LRRTM4: variants seen among roughly 807,000 people sequenced by gnomAD.
LRRTM4 encodes leucine rich repeat transmembrane neuronal 4.
A neutral mutation model predicts 47.6 loss-of-function variants in LRRTM4; 25 were observed. That is an observed-to-expected ratio of 0.53 (90% confidence interval 0.38 to 0.73). The LOEUF (loss-of-function observed/expected upper bound fraction) is 0.73, where lower values mean the gene tolerates loss of function less well. Ranked by LOEUF, LRRTM4 falls within the 30% of genes least tolerant of loss-of-function variation. The pLI is 0.00. For missense variants in LRRTM4, 638 were observed against 713.4 expected (o/e 0.89, Z 1.20); for synonymous variants, 311 against 269.5 (o/e 1.15, Z -1.51).
chr2:77,045,709 T>C (rs1573494685), intron 3 of LRRTM4, among the ~76,000 whole-genome samples: 2 of 152,098 alleles, frequency 1.3e-5, no homozygotes, highest in East Asian at 3.9e-4. Context: ...CCTTCCACCA[T>C]GATTGTGAGG....
intron 3 of LRRTM4, among the ~76,000 whole-genome samples, chr2:77,163,289 G>GAAAAATGAAC (rs1219632105): frequency 6.6e-6 from 1 of 151,874 alleles, no homozygotes; most frequent in Non-Finnish European, 1.5e-5. Flanking sequence ...AAAAGAGTAA[G>GAAAAATGAAC]AAAAATGAAC....
At chr2:77,052,325 C>T (rs562068266) in intron 3 of LRRTM4, among the ~76,000 whole-genome samples, 6 of 151,748 alleles carry the variant, frequency 4.0e-5, no homozygotes, top group South Asian at 2.1e-4. Context: ...TCTGCCACCA[C>T]GCCTGGCTAG....
chr2:77,319,380 T>G (rs1185596023), intron 3 of LRRTM4, among the ~76,000 whole-genome samples: 1 of 148,818 alleles, frequency 6.7e-6, no homozygotes, highest in Non-Finnish European at 1.5e-5. Context: ...AGAGCGAAAC[T>G]CCACATCAAA....
chr2:77,459,152 T>C (rs1676678910), intron 3 of LRRTM4, among the ~76,000 whole-genome samples: 1 of 152,176 alleles, frequency 6.6e-6, no homozygotes, highest in East Asian at 1.9e-4. Flanking sequence ...AGCTCCACTC[T>C]ATAAAATGCC....
At chr2:76,869,984 C>T (rs1339983970) in intron 3 of LRRTM4, among the ~76,000 whole-genome samples, 4 of 152,054 alleles carry the variant, frequency 2.6e-5, no homozygotes, top group Non-Finnish European at 4.4e-5. Context: ...ACAACATAAA[C>T]ATAAAGGAAA....
chr2:76,942,319 C>T (rs1178584343), intron 3 of LRRTM4, among the ~76,000 whole-genome samples: 1 of 152,048 alleles, frequency 6.6e-6, no homozygotes, highest in Non-Finnish European at 1.5e-5. Context: ...TTAATTAGAT[C>T]CCATTTGTCA....
chr2:77,162,092 G>A (rs376378232), intron 3 of LRRTM4, among the ~76,000 whole-genome samples: 10 of 152,086 alleles, frequency 6.6e-5, no homozygotes, highest in South Asian at 6.2e-4. Context: ...CATGACAGGC[G>A]GTACCTGGAA....
intron 3 of LRRTM4, among the ~76,000 whole-genome samples, chr2:77,428,467 T>G (rs1361996229): frequency 2.6e-5 from 4 of 152,230 alleles, no homozygotes; most frequent in African/African-American, 9.6e-5. Context: ...GGCAAAACTT[T>G]CATCAGGAGA....
intron 3 of LRRTM4, among the ~76,000 whole-genome samples, chr2:77,030,625 C>T (rs1025119776): frequency 1.3e-5 from 2 of 151,832 alleles, no homozygotes; most frequent in Admixed American, 1.3e-4. Flanking sequence ...AACAATTTTT[C>T]AAAACTAAGG....
At chr2:76,882,410 G>A (rs1672957818) in intron 3 of LRRTM4, among the ~76,000 whole-genome samples, 1 of 152,074 alleles carries the variant, frequency 6.6e-6, no homozygotes. Context: ...GTATAAAAAA[G>A]GCCAGGCACG....
At chr2:77,116,755 C>T (rs1199220625) in intron 3 of LRRTM4, among the ~76,000 whole-genome samples, 2 of 151,882 alleles carry the variant, frequency 1.3e-5, no homozygotes, top group African/African-American at 4.8e-5. Flanking sequence ...CTTTCTACTC[C>T]CCCATACACT....
intron 3 of LRRTM4, among the ~76,000 whole-genome samples, chr2:76,939,730 A>AGAG (rs1675072693): frequency 6.6e-6 from 1 of 152,144 alleles, no homozygotes; most frequent in Non-Finnish European, 1.5e-5. Flanking sequence ...TGTTAGTCCT[A>AGAG]CATGCTCTAA....
rs765791042 is a variant in LRRTM4, at chr2:77,519,036, T to C, written c.833A>G (p.Asn278Ser). The C allele has an allele frequency of 8.7e-6, 14 of 1,612,186 alleles. No homozygotes were observed. The highest frequency in any genetic ancestry group is 1.3e-5 in the African/African-American group (1 of 74,982). ...IEPGTFKCLP[N>S]LQKLNLDSNK... ...GGAATCCAAATTCAATTTTTGTAAATTGGGGAGGCATTTAAATGTGCCCGG... is the reference window on the plus strand; with the variant it reads ...GGAATCCAAATTCAATTTTTGTAAACTGGGGAGGCATTTAAATGTGCCCGG... The change falls in exon 3 of 4, where the codon AAT becomes AGT. Residue 278 changes from asparagine (N) to serine (S), a missense_variant. Coordinates refer to ENST00000409884, the MANE Select transcript of LRRTM4 (RefSeq NM_001134745.3). The surrounding 1 kb of genome is among the most constrained non-coding windows in gnomAD (Gnocchi z 4.6).
chr2:77,511,148 G>T (rs981192161), intron 3 of LRRTM4, among the ~76,000 whole-genome samples: 1 of 152,048 alleles, frequency 6.6e-6, no homozygotes, highest in African/African-American at 2.4e-5. Flanking sequence ...TTGAGGCAAT[G>T]AGAGAGGAAA....
intron 2 of LRRTM4, among the ~76,000 whole-genome samples, chr2:77,521,034 GTTTTTCTTT>G (rs1679470054): frequency 6.6e-6 from 1 of 151,226 alleles, no homozygotes. Flanking sequence ...AAACAGTTAA[GTTTTTCTTT>G]TTTTTCTTTT....
intron 3 of LRRTM4, among the ~76,000 whole-genome samples, chr2:77,331,071 A>G (rs997758999): frequency 2.0e-5 from 3 of 152,170 alleles, no homozygotes; most frequent in Non-Finnish European, 4.4e-5. Context: ...GAAAGATAAA[A>G]GGTGCAACTG....
chr2:77,288,866 G>T (rs1329096463), intron 3 of LRRTM4, among the ~76,000 whole-genome samples: 1 of 151,974 alleles, frequency 6.6e-6, no homozygotes, highest in East Asian at 1.9e-4. Context: ...AAGCCAATTG[G>T]GATGGAGCCA....
intron 3 of LRRTM4, among the ~76,000 whole-genome samples, chr2:77,382,830 T>G (rs1403753913): frequency 2.6e-5 from 4 of 152,096 alleles, no homozygotes; most frequent in Admixed American, 1.3e-4. Context: ...GTACATGAAA[T>G]CTAACCTGAA....
At chr2:76,834,238 A>T (rs1269910259) in intron 3 of LRRTM4, among the ~76,000 whole-genome samples, 1 of 147,378 alleles carries the variant, frequency 6.8e-6, no homozygotes, top group Admixed American at 6.8e-5. Context: ...TTTAGTAGAG[A>T]TGGGGTTTCA....
Sources: gnomAD v4.1 joint callset for allele counts (sites outside exome capture counted in the v4.1 genomes callset) on GRCh38, gnomAD v4.1.1 for gene constraint, Gnocchi (gnomAD v3.1) non-coding constraint, MANE v1.5 for transcripts, NCBI Gene and HGNC (gene_info 2026-07-23, HGNC 2026-07-21) for gene names.